Variants in WWOX observed in about 807,000 individuals in gnomAD.
WWOX encodes WW domain-containing oxidoreductase.
In WWOX, 69 loss-of-function variants were observed where a neutral mutation model predicts 46.2. The observed-to-expected ratio is 1.49, with a 90% CI of 1.23 to 1.82. WWOX has a LOEUF of 1.82. WWOX is among the 40% of genes most tolerant of loss of function. The pLI is 0.00. For synonymous variants in WWOX, 359 were observed against 202.6 expected (o/e 1.77, Z -6.56); for missense variants, 919 against 542.6 (o/e 1.69, Z -6.89).
At chr16:78,868,589 A>G (rs562200081) in intron 8 of WWOX, among the ~76,000 whole-genome samples, 183 of 152,362 alleles carry the variant, frequency 1.2e-3, no homozygotes, top group African/African-American at 4.0e-3. Context: ...GACTGAGCCA[A>G]TAGTTACAGG....
intron 5 of WWOX, among the ~76,000 whole-genome samples, chr16:78,309,759 A>T (rs1348636733): frequency 6.6e-6 from 1 of 152,156 alleles, no homozygotes; most frequent in African/African-American, 2.4e-5. Context: ...TTAATAAGAG[A>T]AATGAAAGGA....
At chr16:78,163,679 C>T (rs1015976130) in intron 4 of WWOX, among the ~76,000 whole-genome samples, 1 of 152,106 alleles carries the variant, frequency 6.6e-6, no homozygotes, top group African/African-American at 2.4e-5. Context: ...TCTAATTGTT[C>T]TCAGTAGGAA....
At chr16:78,177,430 T>C (rs2035387208) in intron 5 of WWOX, among the ~76,000 whole-genome samples, 1 of 152,186 alleles carries the variant, frequency 6.6e-6, no homozygotes, top group Admixed American at 6.5e-5. Flanking sequence ...GATACTCCCA[T>C]GACTCATGAA....
At chr16:78,406,177 C>A (rs542837088) in intron 6 of WWOX, among the ~76,000 whole-genome samples, 1 of 150,774 alleles carries the variant, frequency 6.6e-6, no homozygotes, top group Middle Eastern at 3.2e-3. Flanking sequence ...AAAATCACTG[C>A]GTCAGTTTAC....
intron 8 of WWOX, among the ~76,000 whole-genome samples, chr16:78,532,412 G>T (rs1183011587): frequency 6.6e-6 from 1 of 152,072 alleles, no homozygotes; most frequent in Non-Finnish European, 1.5e-5. Flanking sequence ...ACCATAGTAA[G>T]TTCCTGCCTA....
chr16:78,737,684 G>A (rs1256711585), intron 8 of WWOX, among the ~76,000 whole-genome samples: 1 of 152,128 alleles, frequency 6.6e-6, no homozygotes, highest in African/African-American at 2.4e-5. Context: ...TATATTAAAA[G>A]AGGAAAAGGG....
At chr16:78,326,583 C>CG (rs1312824081) in intron 5 of WWOX, among the ~76,000 whole-genome samples, 2 of 96,968 alleles carry the variant, frequency 2.1e-5, no homozygotes, top group Non-Finnish European at 4.0e-5. Context: ...CCCCGCCCCC[C>CG]CCCCCCGCAA....
chr16:78,335,548 T>C (rs1250851401), intron 5 of WWOX, among the ~76,000 whole-genome samples: 2 of 152,222 alleles, frequency 1.3e-5, no homozygotes, highest in Non-Finnish European at 1.5e-5. Flanking sequence ...AGTGATTCCG[T>C]GTCCTTGCTA....
At chr16:78,788,977 A>G (rs182233033) in intron 8 of WWOX, among the ~76,000 whole-genome samples, 3 of 152,362 alleles carry the variant, frequency 2.0e-5, no homozygotes, top group Non-Finnish European at 4.4e-5. Context: ...CCCTTATCAT[A>G]TAAATGATTT....
rs74574039 is a variant in WWOX, at chr16:78,844,829, C to T, written c.1057-366779C>T. ...CTGGGGCACAGTCTAACAGTGTCACCGTGTAAGCTGACCCAGTGACCTTGC... is the reference window on the plus strand; with the variant it reads ...CTGGGGCACAGTCTAACAGTGTCACTGTGTAAGCTGACCCAGTGACCTTGC... On this transcript the variant is annotated intron_variant, in intron 8 of 8. Transcript: ENST00000566780. Among the ~76,000 whole-genome samples, 1,440 of 152,258 alleles carry T rather than the reference C, an allele frequency of 9.5e-3. 21 individuals carry two copies. The highest frequency in any genetic ancestry group is 0.033 in the African/African-American group (1,377 of 41,544).
intron 8 of WWOX, among the ~76,000 whole-genome samples, chr16:78,561,388 T>G (rs752331300): frequency 6.6e-6 from 1 of 152,166 alleles, no homozygotes; most frequent in Non-Finnish European, 1.5e-5. Context: ...TAGGTCTGGA[T>G]TTCAAGGGCT....
chr16:79,070,465 T>C (rs937892858), intron 8 of WWOX, among the ~76,000 whole-genome samples: 1 of 152,200 alleles, frequency 6.6e-6, no homozygotes. Flanking sequence ...CTAGGATTTT[T>C]ACTCACCACC....
At chr16:78,495,281 C>T (rs1271420353) in intron 8 of WWOX, among the ~76,000 whole-genome samples, 2 of 151,552 alleles carry the variant, frequency 1.3e-5, no homozygotes, top group African/African-American at 4.8e-5. Flanking sequence ...GCTGGGATTA[C>T]AGGCGCCCGC....
At chr16:78,229,297 C>T (rs934244545) in intron 5 of WWOX, among the ~76,000 whole-genome samples, 4 of 150,692 alleles carry the variant, frequency 2.7e-5, no homozygotes, top group Non-Finnish European at 5.9e-5. Flanking sequence ...ATAAAAAGAG[C>T]CAGGACTAGA....
At chr16:79,077,319 G>A (rs192938537) in intron 8 of WWOX, 8 of 152,104 alleles carry the variant, frequency 5.3e-5, no homozygotes, top group Admixed American at 2.0e-4. Flanking sequence ...GAATTTCAGC[G>A]TGGAACAGGG....
intron 8 of WWOX, among the ~76,000 whole-genome samples, chr16:78,724,303 T>A (rs1378651990): frequency 6.6e-6 from 1 of 152,216 alleles, no homozygotes; most frequent in Non-Finnish European, 1.5e-5. Context: ...TTGGATTCAT[T>A]ATCTCTGTGA....
intron 2 of WWOX, among the ~76,000 whole-genome samples, chr16:78,108,804 A>G (rs1199607167): frequency 2.6e-5 from 4 of 152,220 alleles, no homozygotes; most frequent in African/African-American, 9.7e-5. Context: ...CCTGGCCAAC[A>G]TGTTGAAAGC....
intron 8 of WWOX, among the ~76,000 whole-genome samples, chr16:79,209,158 G>A (rs966496465): frequency 6.6e-6 from 1 of 152,102 alleles, no homozygotes; most frequent in African/African-American, 2.4e-5. Context: ...TTTTCAAAAA[G>A]GTATGGCTCT....
intron 8 of WWOX, among the ~76,000 whole-genome samples, chr16:78,973,091 C>A (rs180767726): frequency 2.7e-4 from 41 of 152,324 alleles, no homozygotes; most frequent in Admixed American, 1.4e-3. Context: ...TTAATGACAT[C>A]AAATTCATGC....
Sources: gnomAD v4.1 joint callset for allele counts (sites outside exome capture counted in the v4.1 genomes callset) on GRCh38, gnomAD v4.1.1 for gene constraint, MANE v1.5 for transcripts, NCBI Gene and HGNC (gene_info 2026-07-23, HGNC 2026-07-21) for gene names.